The following MARCHF1 variants were observed in gnomAD, a reference collection of about 807,000 sequenced individuals.
MARCHF1 encodes E3 ubiquitin-protein ligase MARCHF1.
Under a neutral mutation model 54.2 loss-of-function variants are expected in MARCHF1, and 40 were observed. That is an observed-to-expected ratio of 0.74 (90% confidence interval 0.57 to 0.96). MARCHF1 has a LOEUF of 0.96. MARCHF1 is among the 40% of genes least tolerant of loss of function. The pLI, the probability that MARCHF1 is intolerant of heterozygous loss-of-function variation, is 0.00. For synonymous variants in MARCHF1, 236 were observed against 236.3 expected, an observed-to-expected ratio of 1.00 and a Z score of 0.01; for missense variants, 586 against 656.5, an observed-to-expected ratio of 0.89 and a Z score of 1.17.
chr4:163,910,783 C>T (rs1751172788), intron 3 of MARCHF1, among the ~76,000 whole-genome samples: 1 of 152,224 alleles, frequency 6.6e-6, no homozygotes, highest in Admixed American at 6.5e-5. Context: ...GGGCGTGAGC[C>T]ACCACGCCCA....
intron 4 of MARCHF1, among the ~76,000 whole-genome samples, chr4:163,726,381 C>T (rs1424030113): frequency 6.6e-6 from 1 of 152,194 alleles, no homozygotes; most frequent in Non-Finnish European, 1.5e-5. Context: ...GTAGTCTTTT[C>T]AGATTGACTT....
At chr4:164,352,510 T>A (rs1488711845) in intron 1 of MARCHF1, among the ~76,000 whole-genome samples, 2 of 141,304 alleles carry the variant, frequency 1.4e-5, no homozygotes, top group Admixed American at 7.1e-5. Context: ...CCAGCCAAAC[T>A]AAGCTTCATA....
In MARCHF1 at chr4:163,528,604, C is replaced by CTCTT. The variant is rs1242329169; in HGVS notation, c.*140_*143dup. ...TTGGTCTGTTTGTTTTTCTCCTTTC[C>CTCTT]TCTTTGAACAAAGTCAGGAAAAATG... On this transcript the variant is annotated 3_prime_UTR_variant, in exon 10 of 10. Coordinates refer to ENST00000514618, the MANE Select transcript of MARCHF1 (RefSeq NM_001394959.1). 1.1e-5 allele frequency: 9 copies of CTCTT among 820,660 alleles called. No homozygotes were observed. The highest frequency in any genetic ancestry group is 8.0e-5 in the East Asian group (3 of 37,376). 50.8% of individuals were successfully genotyped at this position (820,660 alleles called of 1,614,324 possible).
At chr4:164,295,308 G>A (rs1007404547) in intron 1 of MARCHF1, among the ~76,000 whole-genome samples, 2 of 152,088 alleles carry the variant, frequency 1.3e-5, no homozygotes, top group African/African-American at 4.8e-5. Context: ...CCTGTTTTCA[G>A]AAAGAAAAGG....
chr4:164,341,596 T>C (rs1045863069), intron 1 of MARCHF1, among the ~76,000 whole-genome samples: 4 of 152,220 alleles, frequency 2.6e-5, no homozygotes, highest in African/African-American at 9.6e-5. Context: ...TTGTCACTCA[T>C]GAGAGTCAGC....
At chr4:163,543,478 G>T (rs1340328637) in intron 9 of MARCHF1, among the ~76,000 whole-genome samples, 1 of 151,780 alleles carries the variant, frequency 6.6e-6, no homozygotes, top group Non-Finnish European at 1.5e-5. Flanking sequence ...ATTATGCATT[G>T]CGACACGCTG....
intron 5 of MARCHF1, among the ~76,000 whole-genome samples, chr4:163,675,485 C>T (rs528225708): frequency 2.0e-4 from 31 of 152,218 alleles, no homozygotes; most frequent in Admixed American, 1.2e-3. Context: ...AGAACAAGCA[C>T]AAAATTGCTA....
At chr4:164,289,585 G>GAAAA (rs71600697) in intron 1 of MARCHF1, among the ~76,000 whole-genome samples, 1 of 131,126 alleles carries the variant, frequency 7.6e-6, no homozygotes, top group African/African-American at 2.8e-5. Context: ...TACTTAGATG[G>GAAAA]AAAAAAAAAA....
At chr4:163,790,454 G>A (rs2110936827) in intron 4 of MARCHF1, among the ~76,000 whole-genome samples, 1 of 152,044 alleles carries the variant, frequency 6.6e-6, no homozygotes, top group Admixed American at 6.6e-5. Flanking sequence ...ATTTTCATAG[G>A]GTCTCAGAAG....
At chr4:164,321,064 C>T (rs576952002) in intron 1 of MARCHF1, among the ~76,000 whole-genome samples, 8 of 152,208 alleles carry the variant, frequency 5.3e-5, no homozygotes, top group South Asian at 2.1e-4. Context: ...GCCACTAGGG[C>T]GACAGGCTAC....
intron 4 of MARCHF1, among the ~76,000 whole-genome samples, chr4:163,808,483 A>T (rs1377236958): frequency 1.3e-5 from 2 of 152,236 alleles, no homozygotes; most frequent in Non-Finnish European, 1.5e-5. Flanking sequence ...AGTCAGAAAA[A>T]GCATAGGTAA....
intron 4 of MARCHF1, among the ~76,000 whole-genome samples, chr4:163,715,074 A>G (rs530281292): frequency 3.3e-5 from 5 of 152,332 alleles, no homozygotes; most frequent in Non-Finnish European, 7.4e-5. Flanking sequence ...ATTAGAAGCC[A>G]CAAAGATAAA....
At chr4:163,907,386 G>A (rs913880053) in intron 3 of MARCHF1, among the ~76,000 whole-genome samples, 3 of 152,006 alleles carry the variant, frequency 2.0e-5, no homozygotes, top group African/African-American at 7.2e-5. Flanking sequence ...GAGTTGCAAA[G>A]AGTAGTAATA....
chr4:164,176,949 T>G (rs35601835), intron 1 of MARCHF1, among the ~76,000 whole-genome samples: 23 of 18,734 alleles, frequency 1.2e-3, no homozygotes, highest in Non-Finnish European at 1.5e-3. Flanking sequence ...GCGCTCTCTC[T>G]CTCTCTCTCT....
At chr4:164,062,201 A>T (rs554511933) in intron 2 of MARCHF1, among the ~76,000 whole-genome samples, 5 of 152,300 alleles carry the variant, frequency 3.3e-5, no homozygotes, top group African/African-American at 1.2e-4. Flanking sequence ...TTTAAATTTT[A>T]TCATGAGATT....
chr4:163,644,415 A>G (rs1367945607), intron 5 of MARCHF1, among the ~76,000 whole-genome samples: 2 of 152,270 alleles, frequency 1.3e-5, no homozygotes, highest in East Asian at 3.9e-4. Flanking sequence ...TTGATTGTGG[A>G]CAACTTAATG....
intron 1 of MARCHF1, among the ~76,000 whole-genome samples, chr4:164,371,095 G>A (rs985980413): frequency 2.0e-5 from 3 of 152,022 alleles, no homozygotes; most frequent in African/African-American, 7.2e-5. Context: ...CAAACCAATG[G>A]AACATAATAG....
At chr4:163,529,838 A>T (rs1322303214) in intron 9 of MARCHF1, 1 of 152,074 alleles carries the variant, frequency 6.6e-6, no homozygotes, top group African/African-American at 2.4e-5. Flanking sequence ...TGTTAAATAT[A>T]TGAGGGTCAA....
At chr4:163,756,968 A>AC (rs1433324169) in intron 4 of MARCHF1, among the ~76,000 whole-genome samples, 2 of 152,216 alleles carry the variant, frequency 1.3e-5, no homozygotes, top group East Asian at 3.9e-4. Context: ...AATTGGCCAT[A>AC]CACAAGAGGA....
Sources: gnomAD v4.1 joint callset for allele counts (sites outside exome capture counted in the v4.1 genomes callset) on GRCh38, gnomAD v4.1.1 for gene constraint, MANE v1.5 for transcripts, NCBI Gene and HGNC (gene_info 2026-07-23, HGNC 2026-07-21) for gene names.